The following ABR variants were observed in gnomAD, a reference collection of about 807,000 sequenced individuals.
The protein encoded by ABR is ABR activator of RhoGEF and GTPase.
ABR carries 35 observed loss-of-function variants against 107.2 expected under a neutral mutation model. The observed-to-expected ratio is 0.33, with a 90% CI of 0.25 to 0.43. The LOEUF is 0.43. Among genes scored for constraint, ABR ranks in the 20% least tolerant of loss-of-function variants. The probability of loss-of-function intolerance (pLI) is 1.00; values close to 1 mark genes in which losing one functional copy is unlikely to be tolerated. For missense variants in ABR, 815 were observed against 1,115.2 expected (o/e 0.73, Z 3.83); for synonymous variants, 498 against 462.0 (o/e 1.08, Z -1.00).
At chr17:1,171,336 G>A (rs1016548737) in intron 1 of ABR, among the ~76,000 whole-genome samples, 1 of 152,150 alleles carries the variant, frequency 6.6e-6, no homozygotes, top group East Asian at 1.9e-4. Flanking sequence ...TCAATCCCAC[G>A]AAGGTAATGA....
chr17:1,191,461 G>A (rs889114767), upstream of ABR, among the ~76,000 whole-genome samples: 10 of 149,314 alleles, frequency 6.7e-5, no homozygotes, highest in South Asian at 4.3e-4. Context: ...GGGTTCAAGC[G>A]ATTCTCCTGT....
Position 1,150,669 on chromosome 17 carries a change from C to A in ABR, c.62-25302G>T, listed in dbSNP as rs2245292. Among the ~76,000 whole-genome samples the A allele has an allele frequency of 0.62, 94,033 of 151,470 alleles. 29,840 individuals carry two copies. Among genetic ancestry groups the A allele is most frequent in the African/African-American group, 0.75 (30,810 of 41,294 alleles). ...GGCCCTTCACAAGTTTGGGTGAACA[C>A]TCCTGGTACACGGTCTGTGGTAACA... On this transcript the variant is annotated intron_variant, in intron 1 of 22. Transcript: ENST00000302538. This position sits in a 1 kb window ranked among gnomAD's most constrained non-coding sequence, Gnocchi z 4.8.
rs191247626 is a variant in ABR, at chr17:1,092,883, T to A, written c.346-1033A>T. Among the ~76,000 whole-genome samples, 1 of 119,944 alleles carries A rather than the reference T, an allele frequency of 8.3e-6. No individual in the cohort carries two copies. The highest frequency in any genetic ancestry group is 2.7e-4 in the East Asian group (1 of 3,752). The allele number at this position is 119,944 out of a possible 152,430, so 78.7% of individuals were successfully genotyped here. A position where few individuals can be genotyped will look rare whatever the true frequency, so the allele number is the denominator to read the frequency against. On this transcript the variant is annotated intron_variant, in intron 3 of 22. Transcript: ENST00000302538. The surrounding 1 kb of genome is among the most constrained non-coding windows in gnomAD (Gnocchi z 4.6). ...TCTCGCTCTGTCGCCCAGGCTGGAGTGCAGTGGTGCGATCTCGGCTCCGCC... is the reference window on the plus strand; with the variant it reads ...TCTCGCTCTGTCGCCCAGGCTGGAGAGCAGTGGTGCGATCTCGGCTCCGCC...
intron 1 of ABR, among the ~76,000 whole-genome samples, chr17:1,198,012 G>T (rs1025364156): frequency 6.6e-6 from 1 of 151,716 alleles, no homozygotes; most frequent in Non-Finnish European, 1.5e-5. Flanking sequence ...CCCACGCTGT[G>T]GGTTAGTTCT....
intron 1 of ABR, among the ~76,000 whole-genome samples, chr17:1,173,920 G>A (rs944084779): frequency 2.6e-5 from 4 of 152,164 alleles, no homozygotes; most frequent in Non-Finnish European, 4.4e-5. Context: ...CTGCTCAATA[G>A]CTCTCCTCAC....
rs1054317426 is a variant in ABR, at chr17:1,210,225, C to T, written c.838+18568G>A. ...TTTTTACCTGCGTAGAAAGTTCTGACCTAAGCCGGGCGCCGTGGCTCACAC... is the reference window on the plus strand; with the variant it reads ...TTTTTACCTGCGTAGAAAGTTCTGATCTAAGCCGGGCGCCGTGGCTCACAC... On this transcript the variant is annotated intron_variant, in intron 1 of 22. Transcript: ENST00000574139. This position sits in a 1 kb window ranked among gnomAD's most constrained non-coding sequence, Gnocchi z 5.6. Among the ~76,000 whole-genome samples, 2 of 152,150 alleles carry T rather than the reference C, an allele frequency of 1.3e-5. No homozygotes were observed. The highest frequency in any genetic ancestry group is 4.8e-5 in the African/African-American group (2 of 41,446).
At position 1,101,935 on chromosome 17, in the gene ABR, G is replaced by A. The variant is rs140447913; in HGVS notation, c.247-1200C>T. Among the ~76,000 whole-genome samples the A allele has an allele frequency of 3.4e-3, 518 of 152,022 alleles. 4 individuals carry two copies. The highest frequency in any genetic ancestry group is 4.7e-3 in the African/African-American group (196 of 41,458). The stretch of plus-strand genomic sequence containing the variant: ...TTTTTAGTAGAGCCGGGATTTCACC[G>A]TGTTAGCCAGGATGGTCTCGATCTC... On this transcript the variant is annotated intron_variant, in intron 2 of 22. Coordinates refer to ENST00000302538, the MANE Select transcript of ABR (RefSeq NM_021962.5).
chr17:1,215,262 C>G (rs9913733), intron 1 of ABR, among the ~76,000 whole-genome samples: 4 of 151,544 alleles, frequency 2.6e-5, no homozygotes, highest in Non-Finnish European at 5.9e-5. Flanking sequence ...CTCTCCCTCT[C>G]TCTCCACGGT....
At chr17:1,044,170 ACGCCGGGGGCAGGGGCAAG>A (rs2031168775) in intron 16 of ABR, among the ~76,000 whole-genome samples, 2 of 148,388 alleles carry the variant, frequency 1.3e-5, no homozygotes, top group African/African-American at 4.9e-5. Flanking sequence ...AGGGCAGACT[ACGCCGGGGGCAGGGGCAAG>A]AGCCGGTGGA....
chr17:1,020,693 C>T (rs147753400), intron 16 of ABR, among the ~76,000 whole-genome samples: 102 of 152,314 alleles, frequency 6.7e-4, no homozygotes, highest in African/African-American at 2.1e-3. Context: ...AAAGTGGCCC[C>T]GCAGCGGGGA....
At chr17:1,101,956 A>G (rs927875999) in intron 2 of ABR, among the ~76,000 whole-genome samples, 1 of 151,926 alleles carries the variant, frequency 6.6e-6, no homozygotes, top group Admixed American at 6.6e-5. Context: ...GATGGTCTCG[A>G]TCTCCTGACC....
chr17:1,211,504 T>C (rs1407216750), intron 1 of ABR, among the ~76,000 whole-genome samples: 1 of 152,142 alleles, frequency 6.6e-6, no homozygotes, highest in Non-Finnish European at 1.5e-5. Flanking sequence ...GCGTGAATCA[T>C]AGGAGTCATT....
chr17:1,049,858 C>G (rs1366836694), intron 16 of ABR, 192 bp downstream of exon 16: 3 of 698,532 alleles, frequency 4.3e-6, no homozygotes, highest in Non-Finnish European at 7.1e-6. Flanking sequence ...GAGCCACGCA[C>G]ACGCCTGGGC....
rs2041071837 is a variant in ABR at position 1,157,051 on chromosome 17, C to A, written c.61+22616G>T. ...CACACACATACGATAAGTTAACTCA[C>A]CGCAGCCTCACACCGCGCCAGGAGG... On this transcript the variant is annotated intron_variant, in intron 1 of 22. Coordinates refer to ENST00000302538, the MANE Select transcript of ABR (RefSeq NM_021962.5). The surrounding 1 kb of genome is among the most constrained non-coding windows in gnomAD (Gnocchi z 4.7). Among the ~76,000 whole-genome samples the A allele has an allele frequency of 6.6e-6, 1 of 152,190 alleles. No homozygotes were observed. Among genetic ancestry groups the A allele is most frequent in the South Asian group, 2.1e-4 (1 of 4,830 alleles).
chr17:1,178,166 T>C (rs2041978847), intron 1 of ABR: 1 of 152,208 alleles, frequency 6.6e-6, no homozygotes, highest in Non-Finnish European at 1.5e-5. Context: ...AGGTTGAATG[T>C]TGGGTACCAC....
chr17:1,191,388 C>G (rs1297858971), upstream of ABR, among the ~76,000 whole-genome samples: 7 of 136,782 alleles, frequency 5.1e-5, no homozygotes, highest in Non-Finnish European at 9.2e-5. Context: ...GACAGAGTCT[C>G]CCTCTGTTGC....
intron 16 of ABR, among the ~76,000 whole-genome samples, chr17:1,019,283 T>C (rs1450812351): frequency 6.6e-6 from 1 of 152,168 alleles, no homozygotes; most frequent in Non-Finnish European, 1.5e-5. Flanking sequence ...GTGGGAAACT[T>C]TGGGTCCTCT....
At chr17:1,117,691 C>T (rs1276843149) in intron 2 of ABR, among the ~76,000 whole-genome samples, 6 of 46,312 alleles carry the variant, frequency 1.3e-4, no homozygotes, top group East Asian at 4.7e-4. Context: ...TCCCTGAGCC[C>T]GAGTTCCTCC....
At chr17:1,090,173 A>T (rs1047298179) in intron 4 of ABR, among the ~76,000 whole-genome samples, 2 of 152,194 alleles carry the variant, frequency 1.3e-5, no homozygotes, top group African/African-American at 4.8e-5. Flanking sequence ...CTCAAGTACC[A>T]AGAGTTAAGA....
Sources: allele counts gnomAD v4.1 joint callset (sites outside exome capture counted in the v4.1 genomes callset), GRCh38; gene constraint gnomAD v4.1.1; non-coding constraint Gnocchi (gnomAD v3.1); transcripts MANE v1.5; gene names NCBI Gene and HGNC (gene_info 2026-07-23, HGNC 2026-07-21).